Variants in NBAS observed in about 807,000 individuals in gnomAD.
The protein encoded by NBAS is NAG/BC035112 fusion.
NBAS carries 219 observed loss-of-function variants against 302.5 expected under a neutral mutation model. The observed-to-expected ratio is 0.72, with a 90% CI of 0.65 to 0.81. The LOEUF is 0.81. Ranked by LOEUF, NBAS falls within the 30% of genes least tolerant of loss-of-function variation. The pLI is 0.00. For synonymous variants in NBAS, 1,118 were observed against 1,021.6 expected (o/e 1.09, Z -1.80); for missense variants, 2,932 against 2,841.6 (o/e 1.03, Z -0.72).
At chr2:14,842,847 A>C in the NBAS span, among the ~76,000 whole-genome samples, 3 of 116,366 alleles carry the variant, frequency 2.6e-5, no homozygotes, top group East Asian at 4.8e-4. Flanking sequence ...AGAAAATGAC[A>C]AAAAAAAAAA....
At chr2:15,441,302 G>T (rs1203678291) in intron 21 of NBAS, among the ~76,000 whole-genome samples, 1 of 152,172 alleles carries the variant, frequency 6.6e-6, no homozygotes, top group Non-Finnish European at 1.5e-5. Flanking sequence ...ACTAACAGCG[G>T]ATCTCTCGGC....
chr2:15,022,945 AT>A, the NBAS span, among the ~76,000 whole-genome samples: 642 of 149,508 alleles, frequency 4.3e-3, 8 homozygotes, highest in African/African-American at 0.013. Context: ...GTTTTTTTTT[AT>A]TTTTTTTTGT....
At position 15,292,469 on chromosome 2, in the gene NBAS, C is replaced by T. The variant is rs368060491; in HGVS notation, c.5027+68G>A. 1.1e-3 allele frequency: 1,586 copies of T among 1,502,248 alleles called. 16 individuals are homozygous for T. In the South Asian group the frequency reaches 0.013, roughly 12 times the overall value. 93.1% of individuals were successfully genotyped at this position (1,502,248 alleles called of 1,614,324 possible). A position where few individuals can be genotyped will look rare whatever the true frequency, so the allele number is the denominator to read the frequency against. ...ACTTCAAAGGACTGAAATTAATAGT[C>T]CTGGTAACTGAACTTATTCTTTTGC... On this transcript the variant is annotated intron_variant, in intron 41 of 51. Coordinates refer to ENST00000281513, the MANE Select transcript of NBAS (RefSeq NM_015909.4).
chr2:15,071,624 C>CAA, the NBAS span, among the ~76,000 whole-genome samples: 41 of 74,994 alleles, frequency 5.5e-4, no homozygotes, highest in African/African-American at 1.3e-3. Context: ...ACTCCATCTC[C>CAA]AAAAAAAAAA....
At chr2:14,828,910 T>C in the NBAS span, among the ~76,000 whole-genome samples, 1 of 152,184 alleles carries the variant, frequency 6.6e-6, no homozygotes, top group Non-Finnish European at 1.5e-5. Flanking sequence ...AATAAAAATA[T>C]AACAAAACAT....
intron 44 of NBAS, among the ~76,000 whole-genome samples, chr2:15,252,784 A>G (rs1034654253): frequency 6.6e-6 from 1 of 152,182 alleles, no homozygotes; most frequent in African/African-American, 2.4e-5. Context: ...CATACTCGCT[A>G]TGAGCTAGGC....
At chr2:15,462,968 G>C (rs772613408) in intron 19 of NBAS, among the ~76,000 whole-genome samples, 4 of 152,140 alleles carry the variant, frequency 2.6e-5, no homozygotes, top group Non-Finnish European at 4.4e-5. Context: ...ACCAAAAGAA[G>C]AAAAGTATTT....
At chr2:15,484,452 A>T (rs1285995851) in intron 12 of NBAS, among the ~76,000 whole-genome samples, 1 of 152,148 alleles carries the variant, frequency 6.6e-6, no homozygotes, top group African/African-American at 2.4e-5. Context: ...CTAGTGTTCC[A>T]TTATTGGAAT....
At position 15,355,750 on chromosome 2, in the gene NBAS, A is replaced by T. The variant is rs114978146; in HGVS notation, c.3931+553T>A. On this transcript the variant is annotated intron_variant, in intron 33 of 51. Coordinates refer to ENST00000281513, the MANE Select transcript of NBAS (RefSeq NM_015909.4). ...CCAGCCAGTTAAGCCTCCTGCTCCC[A>T]CTCTGCCTTCTGCTGTGAGTGAAAG... Among the ~76,000 whole-genome samples, 778 of 151,934 alleles carry T rather than the reference A, an allele frequency of 5.1e-3. 8 individuals are homozygous for T. The highest frequency in any genetic ancestry group is 0.018 in the African/African-American group (747 of 41,408).
chr2:15,332,145 A>G (rs2148239044), intron 35 of NBAS, among the ~76,000 whole-genome samples: 1 of 152,364 alleles, frequency 6.6e-6, no homozygotes, highest in South Asian at 2.1e-4. Context: ...TGCAGACCTC[A>G]GTCCTACAAT....
chr2:15,332,588 T>C (rs757506851), intron 35 of NBAS, among the ~76,000 whole-genome samples: 6 of 151,708 alleles, frequency 4.0e-5, no homozygotes, highest in Non-Finnish European at 5.9e-5. Context: ...CATTAGAAAG[T>C]GCAAAAACCA....
At chr2:15,216,628 A>T (rs1018373035) in intron 48 of NBAS, among the ~76,000 whole-genome samples, 2 of 152,214 alleles carry the variant, frequency 1.3e-5, no homozygotes, top group African/African-American at 4.8e-5. Context: ...TAAAAGTTAC[A>T]ACTTGTTTCT....
chr2:15,501,170 G>A (rs566527610), intron 11 of NBAS, among the ~76,000 whole-genome samples: 8 of 151,912 alleles, frequency 5.3e-5, no homozygotes, highest in Admixed American at 4.6e-4. Flanking sequence ...GTATGGTGGC[G>A]GGTGCCTGTA....
chr2:14,876,826 T>C, the NBAS span, among the ~76,000 whole-genome samples: 1 of 152,258 alleles, frequency 6.6e-6, no homozygotes, highest in Non-Finnish European at 1.5e-5. Flanking sequence ...TCCCGGCCGC[T>C]GACTCCAGCC....
At chr2:14,838,279 A>G in the NBAS span, among the ~76,000 whole-genome samples, 85,246 of 151,628 alleles carry the variant, frequency 0.56, 26,325 homozygotes, top group African/African-American at 0.84. Flanking sequence ...ATTATGCTCT[A>G]TTCTAAATAT....
At chr2:15,284,195 CAT>C (rs376055686) in intron 42 of NBAS, among the ~76,000 whole-genome samples, 11 of 148,256 alleles carry the variant, frequency 7.4e-5, no homozygotes, top group Admixed American at 2.0e-4. Flanking sequence ...AACTCAAAAA[CAT>C]ATGTGTTCAT....
the NBAS span, among the ~76,000 whole-genome samples, chr2:15,137,508 T>C: frequency 6.6e-6 from 1 of 152,110 alleles, no homozygotes; most frequent in Non-Finnish European, 1.5e-5. Flanking sequence ...TATTAGAACA[T>C]ATAGCTCTGA....
the NBAS span, among the ~76,000 whole-genome samples, chr2:14,837,765 T>A: frequency 4.6e-5 from 7 of 151,798 alleles, no homozygotes; most frequent in Admixed American, 2.6e-4. Flanking sequence ...AAATATAATA[T>A]TTGTTTGGAA....
intron 19 of NBAS, 69 bp downstream of exon 19, chr2:15,467,260 A>C (rs1572893004): frequency 1.8e-6 from 2 of 1,114,664 alleles, no homozygotes; most frequent in East Asian, 4.7e-5. Context: ...ATCCGATATT[A>C]GGGCAGCCAT....
Sources: gnomAD v4.1 joint callset for allele counts (sites outside exome capture counted in the v4.1 genomes callset) on GRCh38, gnomAD v4.1.1 for gene constraint, MANE v1.5 for transcripts, NCBI Gene and HGNC (gene_info 2026-07-23, HGNC 2026-07-21) for gene names.